Variants in SOBP observed in about 807,000 individuals in gnomAD.
SOBP encodes sine oculis-binding protein homolog.
Under a neutral mutation model 53.6 loss-of-function variants are expected in SOBP, and 4 were observed. That is an observed-to-expected ratio of 0.07 (90% CI 0.04 to 0.17). The LOEUF (loss-of-function observed/expected upper bound fraction) is 0.17, where lower values mean the gene tolerates loss of function less well. Among genes scored for constraint, SOBP ranks in the 10% least tolerant of loss-of-function variants. SOBP has a pLI of 1.00. For synonymous variants in SOBP, 584 were observed against 522.6 expected (o/e 1.12, Z -1.60); for missense variants, 1,088 against 1,204.7 (o/e 0.90, Z 1.43).
At chr6:107,568,513 G>A (rs1784979347) in intron 4 of SOBP, among the ~76,000 whole-genome samples, 1 of 152,042 alleles carries the variant, frequency 6.6e-6, no homozygotes, top group African/African-American at 2.4e-5. Context: ...CTAGATCACA[G>A]GTTCTACACA....
chr6:107,517,705 T>C (rs1264003346), intron 3 of SOBP, among the ~76,000 whole-genome samples: 1 of 152,200 alleles, frequency 6.6e-6, no homozygotes, highest in Non-Finnish European at 1.5e-5. Context: ...TTCACATCAT[T>C]CATAACAAAT....
rs973364780 is a variant in SOBP at position 107,634,349 on chromosome 6, C to T, written c.1505C>T (p.Pro502Leu). The T allele has an allele frequency of 6.3e-7, 1 of 1,590,578 alleles. No homozygotes were observed. The highest frequency in any genetic ancestry group is 8.5e-7 in the Non-Finnish European group (1 of 1,175,346). The part of the protein sequence containing the change: ...PVSMMPNGPM[P>L]VPQMMNFGLP... ...AGCATGATGCCAAATGGCCCGATGC[C>T]GGTGCCCCAGATGATGAATTTCGGG... Residue 502 changes from proline to leucine, a missense_variant, in exon 6 of 7, where the codon CCG (proline) becomes CTG (leucine). Pro to Leu is a moderately conservative substitution (Grantham distance 98). Around this residue, in one of 6 missense-constraint regions of SOBP, gnomAD observed 665 missense variants for 629.7 expected, o/e 1.06. Coordinates refer to ENST00000317357, the MANE Select transcript of SOBP (RefSeq NM_018013.4). The surrounding 1 kb of genome is among the most constrained non-coding windows in gnomAD (Gnocchi z 4.5).
intron 5 of SOBP, among the ~76,000 whole-genome samples, chr6:107,632,954 G>A (rs1770781392): frequency 6.6e-6 from 1 of 152,152 alleles, no homozygotes; most frequent in Non-Finnish European, 1.5e-5. Context: ...CAGACTTCAT[G>A]ATTAATTCCA....
chr6:107,549,221 C>T (rs1244283251), intron 4 of SOBP, among the ~76,000 whole-genome samples: 1 of 151,926 alleles, frequency 6.6e-6, no homozygotes, highest in Non-Finnish European at 1.5e-5. Flanking sequence ...GAGCCAAGAT[C>T]GCACCACAGC....
chr6:107,516,039 T>C (rs145153878), intron 3 of SOBP, among the ~76,000 whole-genome samples: 2 of 152,268 alleles, frequency 1.3e-5, no homozygotes, highest in Admixed American at 6.5e-5. Context: ...AAAAAACTTT[T>C]GGCAAAGGAG....
chr6:107,585,262 C>G (rs971584905), intron 4 of SOBP, among the ~76,000 whole-genome samples: 11 of 152,136 alleles, frequency 7.2e-5, no homozygotes, highest in African/African-American at 2.7e-4. Flanking sequence ...GTGGTCCCTG[C>G]CTTTAAGAGA....
chr6:107,572,865 A>G (rs1350141259), intron 4 of SOBP, among the ~76,000 whole-genome samples: 1 of 152,210 alleles, frequency 6.6e-6, no homozygotes, highest in Non-Finnish European at 1.5e-5. Flanking sequence ...AAGAGGTGAC[A>G]TAAATGGTAA....
intron 4 of SOBP, among the ~76,000 whole-genome samples, chr6:107,553,296 T>TA (rs1784515197): frequency 1.4e-5 from 2 of 139,432 alleles, no homozygotes; most frequent in East Asian, 4.3e-4. Context: ...GGCTTATTAT[T>TA]ATTTTATTTA....
chr6:107,649,356 A>G (rs2050278425), intron 6 of SOBP, among the ~76,000 whole-genome samples: 1 of 151,610 alleles, frequency 6.6e-6, no homozygotes, highest in African/African-American at 2.4e-5. Flanking sequence ...TTGGTGGTAC[A>G]TGCCTGTGGT....
chr6:107,533,901 G>A (rs1210427274), intron 4 of SOBP, among the ~76,000 whole-genome samples: 1 of 152,174 alleles, frequency 6.6e-6, no homozygotes, highest in Non-Finnish European at 1.5e-5. Flanking sequence ...CAGCAGTAGA[G>A]TGCAGACTGC....
chr6:107,615,644 A>G (rs910580667), intron 5 of SOBP, among the ~76,000 whole-genome samples: 1 of 152,162 alleles, frequency 6.6e-6, no homozygotes, highest in African/African-American at 2.4e-5. Flanking sequence ...CCCAAGGGAA[A>G]AATCTGATTG....
At chr6:107,646,190 T>C (rs192945271) in intron 6 of SOBP, among the ~76,000 whole-genome samples, 2 of 152,374 alleles carry the variant, frequency 1.3e-5, no homozygotes, top group East Asian at 3.9e-4. Context: ...ACGTCATCGC[T>C]GGAGTGCGAG....
intron 5 of SOBP, among the ~76,000 whole-genome samples, chr6:107,596,974 A>C (rs1785968692): frequency 6.6e-6 from 1 of 152,246 alleles, no homozygotes; most frequent in South Asian, 2.1e-4. Flanking sequence ...CCTCAGACTT[A>C]ACCATGTGAA....
intron 5 of SOBP, among the ~76,000 whole-genome samples, chr6:107,596,644 A>G (rs1295108468): frequency 2.0e-5 from 3 of 152,128 alleles, no homozygotes; most frequent in Non-Finnish European, 4.4e-5. Flanking sequence ...TTTTGCCTTG[A>G]TTTTCCAGAA....
intron 5 of SOBP, among the ~76,000 whole-genome samples, chr6:107,601,720 A>G (rs1786185690): frequency 6.6e-6 from 1 of 152,250 alleles, no homozygotes; most frequent in Admixed American, 6.5e-5. Context: ...TAAATTGACC[A>G]CATAGAATAA....
intron 6 of SOBP, among the ~76,000 whole-genome samples, chr6:107,656,370 TA>T (rs1554193561): frequency 1.7e-5 from 1 of 58,640 alleles, no homozygotes; most frequent in African/African-American, 4.3e-5. Context: ...AGAAAGAAAG[TA>T]AGTCAAATGT....
At chr6:107,577,626 C>T (rs950390802) in intron 4 of SOBP, among the ~76,000 whole-genome samples, 1 of 152,164 alleles carries the variant, frequency 6.6e-6, no homozygotes, top group African/African-American at 2.4e-5. Context: ...AAAATTGTAT[C>T]ATAATATTGA....
chr6:107,552,691 T>A (rs1198412821), intron 4 of SOBP, among the ~76,000 whole-genome samples: 1 of 152,190 alleles, frequency 6.6e-6, no homozygotes, highest in Admixed American at 6.5e-5. Context: ...TTCACAAGGA[T>A]TGGCCAACAT....
chr6:107,570,115 G>A (rs550936958), intron 4 of SOBP, among the ~76,000 whole-genome samples: 1 of 152,262 alleles, frequency 6.6e-6, no homozygotes, highest in South Asian at 2.1e-4. Context: ...AATACCACTG[G>A]GTGAGAGCAA....
Sources: allele counts gnomAD v4.1 joint callset (sites outside exome capture counted in the v4.1 genomes callset), GRCh38; gene constraint gnomAD v4.1.1; regional missense constraint gnomAD v4.1.1; non-coding constraint Gnocchi (gnomAD v3.1); transcripts MANE v1.5; gene names NCBI Gene and HGNC (gene_info 2026-07-23, HGNC 2026-07-21).